The following AHI1 variants were observed in gnomAD, a reference collection of about 807,000 sequenced individuals.
The protein encoded by AHI1 is Abelson helper integration site 1.
AHI1 carries 123 observed loss-of-function variants against 149.3 expected under a neutral mutation model. That is an observed-to-expected ratio of 0.82 (90% CI 0.71 to 0.96). The LOEUF is 0.96. Among genes scored for constraint, AHI1 ranks in the 40% least tolerant of loss-of-function variants. AHI1 has a pLI of 0.00. For synonymous variants in AHI1, 475 were observed against 459.8 expected (o/e 1.03, Z -0.42); for missense variants, 1,439 against 1,422.7 (o/e 1.01, Z -0.18).
rs779574810 is a variant in AHI1 at position 135,429,994 on chromosome 6, T to C, written c.2380A>G (p.Lys794Glu). The C allele has an allele frequency of 6.6e-6, 10 of 1,521,468 alleles. No homozygotes were observed. The African/African-American group carries it at 1.2e-4, about 19-fold the overall frequency. 94.2% of individuals were successfully genotyped at this position (1,521,468 alleles called of 1,614,324 possible). The change falls in exon 18 of 29, where the codon AAA (lysine) becomes GAA (glutamate). Residue 794 changes from lysine (K) to glutamate (E), a missense_variant. Physicochemically the swap from Lys to Glu is moderately conservative, Grantham distance 56. Transcript: ENST00000265602. ...GGAATTCCCTTAAACTCAGTTTCTT[T>C]AATTTCCTAAAATGATTAAAAAAAA... ...VHHWTINKEI[K>E]ETEFKGIPIS... is the part of the protein sequence containing the mutation.
chr6:135,288,493 T>G (rs1317932988), intron 28 of AHI1, among the ~76,000 whole-genome samples: 1 of 151,968 alleles, frequency 6.6e-6, no homozygotes, highest in East Asian at 1.9e-4. Context: ...AATTAGAAAA[T>G]GCACAAAGTT....
intron 26 of AHI1, among the ~76,000 whole-genome samples, chr6:135,306,402 A>G (rs7749981): frequency 0.056 from 8,499 of 152,236 alleles, 701 homozygotes; most frequent in African/African-American, 0.18. Context: ...GAGGGGATTC[A>G]TATTATATGG....
At position 135,463,167 on chromosome 6, in the gene AHI1, T is replaced by C. The variant is rs1790189960; in HGVS notation, c.889A>G (p.Thr297Ala). 2 of 1,604,290 alleles carry C rather than the reference T, an allele frequency of 1.2e-6. No homozygotes were observed. Among genetic ancestry groups the C allele is most frequent in the Non-Finnish European group, 1.7e-6 (2 of 1,176,750 alleles). ...TTTGTTTTTTTTGGTTTAGGTTTTG[T>C]ATCATCTTGCATGCTGTCTTCTGTG... is the stretch of plus-strand genomic sequence containing the variant. ...QSTEDSMQDDTKPKPKKTKKK... is the reference protein window; with the variant it reads ...QSTEDSMQDDAKPKPKKTKKK... The change falls in exon 8 of 29, where the codon ACA (threonine) becomes GCA (alanine). Residue 297 changes from threonine (T) to alanine (A), a missense_variant. Physicochemically the swap from Thr to Ala is moderately conservative, Grantham distance 58 (BLOSUM62 0). Coordinates refer to ENST00000265602, the MANE Select transcript of AHI1 (RefSeq NM_001134831.2).
chr6:135,313,805 T>G (rs1445146022), intron 26 of AHI1, among the ~76,000 whole-genome samples: 1 of 152,180 alleles, frequency 6.6e-6, no homozygotes, highest in African/African-American at 2.4e-5. Context: ...GGTAAGACAC[T>G]GACAGAGTTC....
intron 23 of AHI1, among the ~76,000 whole-genome samples, chr6:135,385,081 AC>A (rs1236176659): frequency 2.0e-5 from 3 of 152,018 alleles, no homozygotes; most frequent in African/African-American, 7.2e-5. Flanking sequence ...AGAGCAAGAC[AC>A]CATCCCCCCC....
chr6:135,395,049 A>G (rs1410364881), intron 22 of AHI1, among the ~76,000 whole-genome samples, 153 bp from the exon 23 acceptor site: 4 of 152,076 alleles, frequency 2.6e-5, no homozygotes, highest in African/African-American at 9.6e-5. Flanking sequence ...TGTAAACTTT[A>G]CAAAAGAGAA....
In AHI1 at chr6:135,285,108, G is replaced by C. The variant is rs1345390146; in HGVS notation, c.*537C>G. On this transcript the variant is annotated 3_prime_UTR_variant, in exon 29 of 29. Coordinates refer to ENST00000265602, the MANE Select transcript of AHI1 (RefSeq NM_001134831.2). ...GGTGTTGTTGAACTCCTGACCTTAG[G>C]TGATCCACCTGCCTCAGCCTCCCAA... 6.4e-6 allele frequency: 1 copy of C among 157,148 alleles called. No homozygotes were observed. Among genetic ancestry groups the C allele is most frequent in the East Asian group, 1.8e-4 (1 of 5,444 alleles). 9.7% of individuals were successfully genotyped at this position (157,148 alleles called of 1,614,324 possible).
chr6:135,491,428 C>T (rs1312377989), intron 4 of AHI1, among the ~76,000 whole-genome samples: 1 of 152,154 alleles, frequency 6.6e-6, no homozygotes, highest in Non-Finnish European at 1.5e-5. Flanking sequence ...AGGCAAGCTT[C>T]CTCTAATTCC....
chr6:135,473,282 C>T (rs147242884), intron 5 of AHI1, among the ~76,000 whole-genome samples: 1 of 152,240 alleles, frequency 6.6e-6, no homozygotes, highest in East Asian at 1.9e-4. Context: ...TATTTCTATA[C>T]CCTATTCTGC....
intron 6 of AHI1, among the ~76,000 whole-genome samples, chr6:135,466,930 CT>C (rs1790855521): frequency 6.6e-6 from 1 of 152,084 alleles, no homozygotes; most frequent in Non-Finnish European, 1.5e-5. Context: ...CTTGTACCTC[CT>C]TCCCCAATTA....
chr6:135,418,756 A>ATT (rs997296878), intron 20 of AHI1, among the ~76,000 whole-genome samples: 2 of 152,014 alleles, frequency 1.3e-5, no homozygotes, highest in African/African-American at 4.8e-5. Flanking sequence ...AAGACATTTC[A>ATT]TTATATATAG....
At chr6:135,455,585 T>C in intron 10 of AHI1, 149 bp downstream of exon 10, 1 of 562,480 alleles carries the variant, frequency 1.8e-6, no homozygotes. Context: ...TCTCACTTGA[T>C]TCCACAGCAT....
intron 23 of AHI1, among the ~76,000 whole-genome samples, chr6:135,362,858 T>G (rs902132766): frequency 6.6e-6 from 1 of 152,070 alleles, no homozygotes. Flanking sequence ...CAGAAGCCTT[T>G]TAGTTTAAGT....
intron 24 of AHI1, among the ~76,000 whole-genome samples, chr6:135,337,071 C>G (rs1789501970): frequency 6.6e-6 from 1 of 152,124 alleles, no homozygotes; most frequent in African/African-American, 2.4e-5. Context: ...TCTTCTTAAT[C>G]ACTAGACTTA....
intron 5 of AHI1, among the ~76,000 whole-genome samples, chr6:135,484,962 T>C (rs1794256917): frequency 6.6e-6 from 1 of 152,192 alleles, no homozygotes; most frequent in African/African-American, 2.4e-5. Context: ...GATTTTTACA[T>C]TTAAGTTTGT....
chr6:135,485,511 G>A (rs1275083637), intron 5 of AHI1, among the ~76,000 whole-genome samples: 1 of 152,108 alleles, frequency 6.6e-6, no homozygotes, highest in Non-Finnish European at 1.5e-5. Flanking sequence ...AATTAATCTG[G>A]AAACAACTGG....
intron 23 of AHI1, among the ~76,000 whole-genome samples, chr6:135,379,814 G>A (rs1776435294): frequency 6.6e-6 from 1 of 152,030 alleles, no homozygotes. Flanking sequence ...TCCTGTTTCA[G>A]GATCTTGGAT....
chr6:135,469,088 G>A (rs1275816909), intron 5 of AHI1, among the ~76,000 whole-genome samples: 2 of 152,150 alleles, frequency 1.3e-5, no homozygotes, highest in Non-Finnish European at 2.9e-5. Context: ...TATCCCTGAC[G>A]AACACTGATG....
intron 5 of AHI1, among the ~76,000 whole-genome samples, chr6:135,469,387 C>T (rs1354604958): frequency 6.6e-6 from 1 of 152,004 alleles, no homozygotes; most frequent in African/African-American, 2.4e-5. Flanking sequence ...ATGACAAATC[C>T]ACAGTCATAC....
Sources: gnomAD v4.1 joint callset for allele counts (sites outside exome capture counted in the v4.1 genomes callset) on GRCh38, gnomAD v4.1.1 for gene constraint, MANE v1.5 for transcripts, NCBI Gene and HGNC (gene_info 2026-07-23, HGNC 2026-07-21) for gene names.